NOMO3: variants seen among roughly 807,000 people sequenced by gnomAD.
NOMO3 encodes BOS complex subunit NOMO3.
NOMO3 carries 15 observed loss-of-function variants against 69.9 expected under a neutral mutation model. The ratio of observed to expected loss-of-function variants is 0.21; its 90% CI spans 0.14 to 0.33. The LOEUF is 0.33. Among genes scored for constraint, NOMO3 ranks in the 10% least tolerant of loss-of-function variants. NOMO3 has a pLI of 1.00. For missense variants in NOMO3, 218 were observed against 761.0 expected (o/e 0.29, Z 8.39); for synonymous variants, 89 against 301.9 (o/e 0.29, Z 7.31).
At chr16:16,235,007 T>G (rs140386754) in intron 1 of NOMO3, among the ~76,000 whole-genome samples, 1,561 of 151,926 alleles carry the variant, frequency 0.01, 16 homozygotes, top group African/African-American at 0.016. Flanking sequence ...ACCGGTCTAG[T>G]CTGGTGAATT....
chr16:16,256,215 A>C, intron 11 of NOMO3, 57 bp downstream of exon 11: 1 of 1,562,604 alleles, frequency 6.4e-7, no homozygotes, highest in Non-Finnish European at 8.6e-7. Context: ...GCCAGTGTAG[A>C]ACCAAATGAC....
At chr16:16,237,915 C>T (rs1438757979) in intron 2 of NOMO3, among the ~76,000 whole-genome samples, 5 of 144,540 alleles carry the variant, frequency 3.5e-5, no homozygotes, top group African/African-American at 8.3e-5. Context: ...CAGATATCCA[C>T]GGGTACACAT....
intron 15 of NOMO3, 165 bp downstream of exon 15, chr16:16,265,344 ACT>A: frequency 7.9e-7 from 1 of 1,261,162 alleles, no homozygotes; most frequent in Non-Finnish European, 1.1e-6. Context: ...AAGCATTTAT[ACT>A]CTCTCAGTGG....
chr16:16,235,204 C>T (rs989857242), intron 1 of NOMO3, among the ~76,000 whole-genome samples: 2 of 151,004 alleles, frequency 1.3e-5, no homozygotes, highest in African/African-American at 2.5e-5. Flanking sequence ...TTCAAATGTT[C>T]GTTTTATGAG....
chr16:16,233,583 G>T (rs2049300964), intron 1 of NOMO3, among the ~76,000 whole-genome samples: 1 of 96,694 alleles, frequency 1.0e-5, no homozygotes, highest in Non-Finnish European at 2.1e-5. Context: ...ACCCAGAAAG[G>T]TTCCCGTAAA....
chr16:16,270,121 G>C lies in NOMO3; in HGVS notation c.1895G>C (p.Gly632Ala), dbSNP rs748938497. ...ATTACTTTTGATTTCCTGTCTGTAG[G>C]TGTGTACAAAGTGACCCCTCGCTCC... ...GVNRFCLSKP[G>A]VYKVTPRSCH... The change falls in exon 17 of 31, where the codon GGT becomes GCT. Residue 632 changes from glycine (G) to alanine (A), a missense_variant and splice_region_variant. By Grantham distance (60) the Gly-to-Ala change is moderately conservative. Coordinates refer to ENST00000399336, the MANE Select transcript of NOMO3 (RefSeq NM_001004067.4). 6.4e-7 allele frequency: 1 copy of C among 1,552,832 alleles called. No homozygotes were observed. The highest frequency in any genetic ancestry group is 1.1e-5 in the South Asian group (1 of 87,618).
At position 16,251,029 on chromosome 16, in the gene NOMO3, G is replaced by A; in HGVS notation, c.684G>A (p.Glu228=). 1 of 1,267,600 alleles carries A rather than the reference G, an allele frequency of 7.9e-7. No homozygotes were observed. The highest frequency in any genetic ancestry group is 1.1e-6 in the Non-Finnish European group (1 of 942,994). 78.5% of individuals were successfully genotyped at this position (1,267,600 alleles called of 1,614,324 possible). ...NVSGSVRSDG[E]PMKGVKFLLF... Reference sequence around the variant, plus strand: ...CTGGCTCTGTCCGAAGTGATGGGGAGCCCATGAAAGGCGTGAAGTTTCTTC... The same window carrying A: ...CTGGCTCTGTCCGAAGTGATGGGGAACCCATGAAAGGCGTGAAGTTTCTTC... Residue 228 remains glutamate (E), a synonymous_variant, in exon 7 of 31, where the codon GAG becomes GAA. Transcript: ENST00000399336.
chr16:16,260,728 G>C lies in NOMO3; in HGVS notation c.1221-774G>C, dbSNP rs2049557097. On this transcript the variant is annotated intron_variant, in intron 11 of 30. Coordinates refer to ENST00000399336, the MANE Select transcript of NOMO3 (RefSeq NM_001004067.4). ...AAAAGACAACTGTGACCCCCAGCTA[G>C]GATGTACTATTACACTTTAATACAC... The C allele has an allele frequency of 1.4e-5, 2 of 141,550 alleles. 1 individual carries two copies. Among genetic ancestry groups the C allele is most frequent in the African/African-American group, 5.9e-5 (2 of 33,736 alleles). The allele number at this position is 141,550 out of a possible 1,614,324, so 8.8% of individuals were successfully genotyped here.
chr16:16,255,956 G>A, intron 10 of NOMO3, 52 bp from the exon 11 acceptor site: 1 of 1,571,070 alleles, frequency 6.4e-7, no homozygotes, highest in Non-Finnish European at 8.6e-7. Context: ...TACATGTAAG[G>A]ATACACTGTT....
chr16:16,233,502 G>GTTTTTT, intron 1 of NOMO3, among the ~76,000 whole-genome samples: 1 of 92,890 alleles, frequency 1.1e-5, no homozygotes, highest in Non-Finnish European at 2.2e-5. Context: ...TGTGCTGAAG[G>GTTTTTT]TTTTTTTTTT....
At chr16:16,268,200 A>G (rs868223359) in intron 16 of NOMO3, among the ~76,000 whole-genome samples, 1 of 144,370 alleles carries the variant, frequency 6.9e-6, no homozygotes, top group Non-Finnish European at 1.5e-5. Flanking sequence ...TGTTACGGAC[A>G]TTCTTATACA....
intron 1 of NOMO3, among the ~76,000 whole-genome samples, chr16:16,234,195 TG>T (rs2049306960): frequency 6.6e-6 from 1 of 151,648 alleles, no homozygotes; most frequent in Non-Finnish European, 1.5e-5. Flanking sequence ...AGGTCTGCAC[TG>T]GGGACAGGAC....
At chr16:16,238,784 A>T (rs1299149407) in intron 2 of NOMO3, among the ~76,000 whole-genome samples, 1 of 136,958 alleles carries the variant, frequency 7.3e-6, no homozygotes, top group Non-Finnish European at 1.5e-5. Flanking sequence ...TATCAGTCTC[A>T]AGAAACCAGG....
intron 2 of NOMO3, among the ~76,000 whole-genome samples, chr16:16,237,923 C>T (rs1596797496): frequency 1.4e-5 from 2 of 144,606 alleles, no homozygotes; most frequent in Admixed American, 1.4e-4. Context: ...CACGGGTACA[C>T]ATGCATATGT....
chr16:16,235,000 G>A (rs1379242553), intron 1 of NOMO3, among the ~76,000 whole-genome samples: 4 of 151,898 alleles, frequency 2.6e-5, no homozygotes, highest in African/African-American at 9.7e-5. Flanking sequence ...CTCCCTAACC[G>A]GTCTAGTCTG....
At position 16,239,092 on chromosome 16, in the gene NOMO3, A is replaced by G. The variant is rs1345189956; in HGVS notation, c.256-759A>G. On this transcript the variant is annotated intron_variant, in intron 2 of 30. Coordinates refer to ENST00000399336, the MANE Select transcript of NOMO3 (RefSeq NM_001004067.4). ...GGCTCCATCTCAAAAAAAAAAAACT[A>G]AAACAAAAACAGAAACCAGGGTTGA... Among the ~76,000 whole-genome samples, 7 of 142,532 alleles carry G rather than the reference A, an allele frequency of 4.9e-5. 1 individual carries two copies. The highest frequency in any genetic ancestry group is 1.0e-4 in the Non-Finnish European group (7 of 67,166). 93.5% of individuals were successfully genotyped at this position (142,532 alleles called of 152,430 possible).
At chr16:16,270,009 G>C in intron 16 of NOMO3, 112 bp from the exon 17 acceptor site, 1 of 1,574,726 alleles carries the variant, frequency 6.4e-7, no homozygotes, top group Non-Finnish European at 8.6e-7. Flanking sequence ...GCAGATCTGC[G>C]ATACATTTGA....
chr16:16,267,598 C>G (rs2049630119), intron 16 of NOMO3, among the ~76,000 whole-genome samples: 1 of 139,694 alleles, frequency 7.2e-6, no homozygotes, highest in East Asian at 2.4e-4. Flanking sequence ...CCACATCCGG[C>G]TAATTTTTGT....
intron 1 of NOMO3, among the ~76,000 whole-genome samples, chr16:16,235,116 G>A (rs1314097511): frequency 6.6e-6 from 1 of 151,266 alleles, no homozygotes; most frequent in Non-Finnish European, 1.5e-5. Context: ...TCAGGCACTG[G>A]GGAATGAAGT....
Sources: gnomAD v4.1 joint callset for allele counts (sites outside exome capture counted in the v4.1 genomes callset) on GRCh38, gnomAD v4.1.1 for gene constraint, MANE v1.5 for transcripts, NCBI Gene and HGNC (gene_info 2026-07-23, HGNC 2026-07-21) for gene names.